Variants in ARNT2 observed in about 807,000 individuals in gnomAD.
ARNT2 encodes ARNT protein 2.
In ARNT2, 36 loss-of-function variants were observed where a neutral mutation model predicts 91.7. That is an observed-to-expected ratio of 0.39 (90% CI 0.30 to 0.52). The LOEUF (loss-of-function observed/expected upper bound fraction) is 0.52, where lower values mean the gene tolerates loss of function less well. Ranked by LOEUF, ARNT2 falls within the 20% of genes least tolerant of loss-of-function variation. The pLI is 0.72. For synonymous variants in ARNT2, 365 were observed against 347.1 expected, an observed-to-expected ratio of 1.05 and a Z score of -0.57; for missense variants, 775 against 939.3, an observed-to-expected ratio of 0.83 and a Z score of 2.29.
intron 8 of ARNT2, 41 bp downstream of exon 8, chr15:80,514,446 TGC>T: frequency 6.5e-7 from 1 of 1,545,944 alleles, no homozygotes; most frequent in Non-Finnish European, 8.9e-7. Context: ...AACTGGGTGC[TGC>T]TCATACCTGA....
chr15:80,507,387 C>T (rs988747600), intron 5 of ARNT2, among the ~76,000 whole-genome samples: 6 of 152,066 alleles, frequency 3.9e-5, no homozygotes, highest in Admixed American at 2.6e-4. Context: ...AGGAGGGACT[C>T]GGGGATAATG....
chr15:80,443,301 A>G (rs931038652), intron 1 of ARNT2, among the ~76,000 whole-genome samples: 2 of 152,226 alleles, frequency 1.3e-5, no homozygotes, highest in Admixed American at 1.3e-4. Context: ...TGGCCTGATC[A>G]CACAAGAACA....
At chr15:80,571,004 C>G (rs1276735085) in intron 12 of ARNT2, among the ~76,000 whole-genome samples, 2 of 152,280 alleles carry the variant, frequency 1.3e-5, no homozygotes, top group Admixed American at 1.3e-4. Flanking sequence ...ACGGCATGGC[C>G]AGAGGAGGAA....
chr15:80,464,596 T>G (rs1305487502), intron 3 of ARNT2, among the ~76,000 whole-genome samples: 1 of 152,174 alleles, frequency 6.6e-6, no homozygotes, highest in East Asian at 1.9e-4. Flanking sequence ...GATGCCTACC[T>G]CCTTCTCAAG....
At chr15:80,554,752 A>C (rs2141458477) in intron 10 of ARNT2, 2 of 234,086 alleles carry the variant, frequency 8.5e-6, no homozygotes, top group Admixed American at 5.0e-5. Context: ...ATGTTATTAA[A>C]GTATGTTTAT....
At position 80,404,440 on chromosome 15, in the gene ARNT2, C is replaced by A; in HGVS notation, c.-76C>A. On this transcript the variant is annotated 5_prime_UTR_variant, in exon 1 of 19. Transcript: ENST00000303329. The surrounding 1 kb of genome is among the most constrained non-coding windows in gnomAD (Gnocchi z 5.5). ...GGCGGCGCCTGGGCCTGACCGGGTC[C>A]CCGGGGCTGAGCGCCGGGCTCCGCG... The A allele has an allele frequency of 9.5e-7, 1 of 1,052,388 alleles. No homozygotes were observed. The highest frequency in any genetic ancestry group is 2.3e-5 in the South Asian group (1 of 43,154). The allele number at this position is 1,052,388 out of a possible 1,614,324, so 65.2% of individuals were successfully genotyped here.
chr15:80,583,409 T>A (rs1220420566), intron 17 of ARNT2, among the ~76,000 whole-genome samples: 1 of 152,206 alleles, frequency 6.6e-6, no homozygotes, highest in African/African-American at 2.4e-5. Context: ...CCCTGAAGTA[T>A]AAATGGAGAC....
intron 11 of ARNT2, chr15:80,557,075 C>T (rs964935602): frequency 1.3e-5 from 2 of 152,206 alleles, no homozygotes; most frequent in African/African-American, 2.4e-5. Context: ...GAGTGGGCCT[C>T]TCTGACCGCC....
chr15:80,464,042 G>C (rs1486836830), intron 3 of ARNT2, among the ~76,000 whole-genome samples: 4 of 152,220 alleles, frequency 2.6e-5, no homozygotes, highest in African/African-American at 9.7e-5. Context: ...AGAGAGAGGA[G>C]GAAATCACTT....
intron 5 of ARNT2, among the ~76,000 whole-genome samples, chr15:80,495,877 C>T (rs1319290668): frequency 6.6e-6 from 1 of 152,212 alleles, no homozygotes; most frequent in Non-Finnish European, 1.5e-5. Context: ...CTCTCTGAGG[C>T]TCCTTTAGCA....
intron 1 of ARNT2, among the ~76,000 whole-genome samples, chr15:80,417,342 A>AATTCT (rs71308049): frequency 6.1e-4 from 92 of 151,804 alleles, no homozygotes; most frequent in Non-Finnish European, 1.1e-3. Context: ...TTAATTTATG[A>AATTCT]TTTAAGTTTC....
At chr15:80,476,336 G>C (rs1896802080) in intron 5 of ARNT2, among the ~76,000 whole-genome samples, 1 of 152,176 alleles carries the variant, frequency 6.6e-6, no homozygotes, top group Non-Finnish European at 1.5e-5. Flanking sequence ...GTGTGGCCCG[G>C]TTCAGCTAGG....
intron 17 of ARNT2, among the ~76,000 whole-genome samples, chr15:80,590,834 G>A (rs975297222): frequency 6.6e-6 from 1 of 152,156 alleles, no homozygotes; most frequent in Non-Finnish European, 1.5e-5. Flanking sequence ...AAGCAAAGTG[G>A]CTCTCATTTA....
Position 80,575,058 on chromosome 15 carries a change from C to T in ARNT2, c.1461C>T (p.Phe487=). ...CCGTGGAAAAGGCGGATGCAATCTT[C>T]TCCCAGGAAAGAGATCCTCGGTTTG... ...GKSVEKADAI[F]SQERDPRFAE... The change falls in exon 14 of 19, where the codon TTC becomes TTT. Residue 487 remains phenylalanine (F), a synonymous_variant. Coordinates refer to ENST00000303329, the MANE Select transcript of ARNT2 (RefSeq NM_014862.4). 1.9e-6 allele frequency: 3 copies of T among 1,614,218 alleles called. No individual in the cohort carries two copies. The highest frequency in any genetic ancestry group is 2.5e-6 in the Non-Finnish European group (3 of 1,180,038).
rs200348084 is a variant in ARNT2, at chr15:80,574,963, G to A, written c.1390-24G>A. ...TGTGCCTTACGCATGAGTTGCTGTT[G>A]TGTTTTATTTAATGTGCAAATAGGT... On this transcript the variant is annotated intron_variant, in intron 13 of 18. Coordinates refer to ENST00000303329, the MANE Select transcript of ARNT2 (RefSeq NM_014862.4). 5 of 1,611,258 alleles carry A rather than the reference G, an allele frequency of 3.1e-6. No individual in the cohort carries two copies. In the East Asian group the frequency reaches 8.9e-5, roughly 29 times the overall value.
At chr15:80,504,304 T>C (rs1897240966) in intron 5 of ARNT2, among the ~76,000 whole-genome samples, 4 of 152,266 alleles carry the variant, frequency 2.6e-5, no homozygotes, top group Admixed American at 1.3e-4. Context: ...TCATCGACTT[T>C]AGTCTGTTCT....
intron 10 of ARNT2, among the ~76,000 whole-genome samples, chr15:80,553,701 CT>C (rs1898124646): frequency 6.6e-6 from 1 of 151,932 alleles, no homozygotes; most frequent in Non-Finnish European, 1.5e-5. Context: ...ATCAACTTTT[CT>C]GTAGATTTAA....
At chr15:80,579,492 C>G (rs1215755994) in intron 15 of ARNT2, among the ~76,000 whole-genome samples, 1 of 152,130 alleles carries the variant, frequency 6.6e-6, no homozygotes, top group Non-Finnish European at 1.5e-5. Context: ...CTCTGCTGAT[C>G]TCTGGCTTGC....
intron 3 of ARNT2, among the ~76,000 whole-genome samples, chr15:80,459,402 G>A (rs1263348914): frequency 1.3e-5 from 2 of 152,168 alleles, no homozygotes; most frequent in Non-Finnish European, 2.9e-5. Context: ...ATGGAAACAA[G>A]GGCACATATC....
Sources: gnomAD v4.1 joint callset for allele counts (sites outside exome capture counted in the v4.1 genomes callset) on GRCh38, gnomAD v4.1.1 for gene constraint, Gnocchi (gnomAD v3.1) non-coding constraint, MANE v1.5 for transcripts, NCBI Gene and HGNC (gene_info 2026-07-23, HGNC 2026-07-21) for gene names.